ENTPD1: variants seen among roughly 807,000 people sequenced by gnomAD.
ENTPD1 encodes the protein ectonucleoside triphosphate diphosphohydrolase 1.
ENTPD1 carries 33 observed loss-of-function variants against 57.0 expected under a neutral mutation model. That is an observed-to-expected ratio of 0.58 (90% CI 0.44 to 0.77). The LOEUF (loss-of-function observed/expected upper bound fraction) is 0.77, where lower values mean the gene tolerates loss of function less well. ENTPD1 is among the 30% of genes least tolerant of loss of function. The pLI, the probability that ENTPD1 is intolerant of heterozygous loss-of-function variation, is 0.00. For missense variants in ENTPD1, 501 were observed against 603.4 expected (o/e 0.83, Z 1.78); for synonymous variants, 202 against 218.8 (o/e 0.92, Z 0.68).
chr10:95,827,989 T>C (rs2098383647), intron 2 of ENTPD1, among the ~76,000 whole-genome samples: 1 of 152,098 alleles, frequency 6.6e-6, no homozygotes, highest in African/African-American at 2.4e-5. Flanking sequence ...ATGGATGAGG[T>C]CATCTAGGAT....
intron 1 of ENTPD1, among the ~76,000 whole-genome samples, chr10:95,735,675 A>C (rs1225532294): frequency 6.6e-6 from 1 of 152,030 alleles, no homozygotes; most frequent in Non-Finnish European, 1.5e-5. Context: ...GGCTCACTGC[A>C]ACCTCCACCT....
At chr10:95,790,151 T>C (rs533894888) in intron 1 of ENTPD1, among the ~76,000 whole-genome samples, 1 of 152,328 alleles carries the variant, frequency 6.6e-6, no homozygotes, top group Admixed American at 6.5e-5. Flanking sequence ...GCAGCGGTGG[T>C]TGCCCACCAC....
intron 1 of ENTPD1, among the ~76,000 whole-genome samples, chr10:95,726,606 T>TGG (rs2097983917): frequency 1.3e-5 from 2 of 152,238 alleles, no homozygotes; most frequent in Admixed American, 1.3e-4. Context: ...CCATTTTCTC[T>TGG]GGCCTCTGTG....
chr10:95,850,249 AG>A (rs2098442600), intron 7 of ENTPD1, among the ~76,000 whole-genome samples: 1 of 152,170 alleles, frequency 6.6e-6, no homozygotes, highest in African/African-American at 2.4e-5. Flanking sequence ...GCCTCTATGT[AG>A]GATCTTTCTC....
At chr10:95,864,605 C>T (rs2141000740) in intron 8 of ENTPD1, 119 bp from the exon 9 acceptor site, 2 of 1,404,566 alleles carry the variant, frequency 1.4e-6, no homozygotes, top group Non-Finnish European at 2.0e-6. Flanking sequence ...AAGAGGCCAA[C>T]CTTCAGGTGC....
At chr10:95,712,060 T>TA in intron 1 of ENTPD1, 1 of 1,605,084 alleles carries the variant, frequency 6.2e-7, no homozygotes, top group South Asian at 1.1e-5. Context: ...GAGCCGATGG[T>TA]AAAAATCACT....
rs2098476700 is a variant in ENTPD1, at chr10:95,868,409, C to T, written c.*2026C>T. 21 of 985,310 alleles carry T rather than the reference C, an allele frequency of 2.1e-5. No individual in the cohort carries two copies. Among genetic ancestry groups the T allele is most frequent in the Non-Finnish European group, 2.4e-5 (20 of 829,932 alleles). The allele number at this position is 985,310 out of a possible 1,614,324, so 61.0% of individuals were successfully genotyped here. ...TGTTCATGTGCTTTGGATGGAAGCACATCTGGCATATGATGCTAATCAGTG... is the reference window on the plus strand; with the variant it reads ...TGTTCATGTGCTTTGGATGGAAGCATATCTGGCATATGATGCTAATCAGTG... On this transcript the variant is annotated 3_prime_UTR_variant, in exon 10 of 10. Transcript: ENST00000371205.
At chr10:95,755,806 A>C, upstream of ENTPD1, 16 of 1,522,058 alleles carry the variant, frequency 1.1e-5, no homozygotes, top group Non-Finnish European at 1.4e-5. Context: ...AATTGCAGTA[A>C]GGAATAGCTT....
chr10:95,842,550 A>T lies in ENTPD1; in HGVS notation c.413+56A>T. On this transcript the variant is annotated intron_variant, in intron 4 of 9. Coordinates refer to ENST00000371205, the MANE Select transcript of ENTPD1 (RefSeq NM_001776.6). ...TGGGAGTTAGGCTTGGCAGTGAAAG[A>T]GCCTCTGAAGTTATGGGAAAGGGCC... The T allele has an allele frequency of 2.5e-6, 4 of 1,582,452 alleles. No homozygotes were observed. In the South Asian group the frequency reaches 4.6e-5, roughly 18 times the overall value.
At position 95,831,148 on chromosome 10, in the gene ENTPD1, G is replaced by A. The variant is rs118031549; in HGVS notation, c.144+7784G>A. ...TAAGATGGAACAGGTACCTTGGGAC[G>A]GTTAATGCTGAGAGAAAACTCCGAA... On this transcript the variant is annotated intron_variant, in intron 2 of 9. Transcript: ENST00000371205. 1.3e-3 allele frequency among the ~76,000 whole-genome samples: 204 copies of A among 152,262 alleles called. 5 individuals carry two copies. The East Asian group carries it at 0.037, about 28-fold the overall frequency.
chr10:95,759,190 G>C (rs753672092), intron 1 of ENTPD1, among the ~76,000 whole-genome samples: 4 of 152,222 alleles, frequency 2.6e-5, no homozygotes, highest in Non-Finnish European at 5.9e-5. Context: ...GGACCTTTGA[G>C]TTTGCAGTAG....
intron 1 of ENTPD1, among the ~76,000 whole-genome samples, chr10:95,714,936 T>A (rs1328994555): frequency 6.6e-6 from 1 of 152,234 alleles, no homozygotes; most frequent in East Asian, 1.9e-4. Context: ...ACTGTTTCAG[T>A]AAGCCTTGGA....
At chr10:95,696,602 A>G in the ENTPD1 span, among the ~76,000 whole-genome samples, 1 of 152,222 alleles carries the variant, frequency 6.6e-6, no homozygotes, top group African/African-American at 2.4e-5. Context: ...TTGTATTTGT[A>G]AGAATCTCTG....
upstream of ENTPD1, among the ~76,000 whole-genome samples, chr10:95,751,543 A>G (rs1333859486): frequency 6.6e-6 from 1 of 151,906 alleles, no homozygotes; most frequent in Non-Finnish European, 1.5e-5. Flanking sequence ...ACATGGCAAA[A>G]CCCTGTCTCT....
rs771596788 is a variant in ENTPD1 at position 95,817,337 on chromosome 10, G to A, written c.17-5900G>A. Among the ~76,000 whole-genome samples, 36 of 152,206 alleles carry A rather than the reference G, an allele frequency of 2.4e-4. 1 individual carries two copies. The highest frequency in any genetic ancestry group is 2.9e-5 in the Non-Finnish European group (2 of 68,036). ...AGCCAGGCTCTGTCCACACTTGGCT[G>A]TGTGGCCTGACCTCATTTGAGTAGC... On this transcript the variant is annotated intron_variant, in intron 1 of 9. Transcript: ENST00000371205.
In ENTPD1 at chr10:95,872,209, C is replaced by G. The variant is rs1313880570; in HGVS notation, c.*5826C>G. ...TCTGTTGCTGCTAGATTAATCTTTG[C>G]AAAGCACAGGCTTAATTTCATTGCT... On this transcript the variant is annotated 3_prime_UTR_variant, in exon 10 of 10. Coordinates refer to ENST00000371205, the MANE Select transcript of ENTPD1 (RefSeq NM_001776.6). 1 of 985,330 alleles carries G rather than the reference C, an allele frequency of 1.0e-6. No homozygotes were observed. Among genetic ancestry groups the G allele is most frequent in the Non-Finnish European group, 1.2e-6 (1 of 829,942 alleles). The allele number at this position is 985,330 out of a possible 1,614,324, so 61.0% of individuals were successfully genotyped here.
intron 1 of ENTPD1, chr10:95,785,007 C>G (rs2098173424): frequency 6.6e-6 from 1 of 152,222 alleles, no homozygotes; most frequent in Non-Finnish European, 1.5e-5. Context: ...GGTTCTATAG[C>G]TGCATATCAG....
chr10:95,874,005 C>A lies in ENTPD1; in HGVS notation c.*7622C>A, dbSNP rs898230623. Among the ~76,000 whole-genome samples the A allele has an allele frequency of 1.3e-5, 2 of 152,158 alleles. No individual in the cohort carries two copies. The highest frequency in any genetic ancestry group is 2.1e-4 in the South Asian group (1 of 4,830). Reference sequence around the variant, plus strand: ...CAACATGTGGGAATTCTGGGAGATACAATTCAAGTTGAGATTTGGGTGGGG... The same window carrying A: ...CAACATGTGGGAATTCTGGGAGATAAAATTCAAGTTGAGATTTGGGTGGGG... On this transcript the variant is annotated 3_prime_UTR_variant, in exon 10 of 10. Coordinates refer to ENST00000371205, the MANE Select transcript of ENTPD1 (RefSeq NM_001776.6).
chr10:95,868,539 G>A lies in ENTPD1; in HGVS notation c.*2156G>A, dbSNP rs1207037537. On this transcript the variant is annotated 3_prime_UTR_variant, in exon 10 of 10. Coordinates refer to ENST00000371205, the MANE Select transcript of ENTPD1 (RefSeq NM_001776.6). ...TGAAAATAAAGGTCAAATAAGTTGA[G>A]CCAATAACAGCCGCTTTTTTCCTTC... is the stretch of plus-strand genomic sequence containing the variant. 10 of 985,276 alleles carry A rather than the reference G, an allele frequency of 1.0e-5. No homozygotes were observed. The highest frequency in any genetic ancestry group is 1.2e-5 in the Non-Finnish European group (10 of 829,940). 61.0% of individuals were successfully genotyped at this position (985,276 alleles called of 1,614,324 possible).
Sources: gnomAD v4.1 joint callset for allele counts (sites outside exome capture counted in the v4.1 genomes callset) on GRCh38, gnomAD v4.1.1 for gene constraint, MANE v1.5 for transcripts, NCBI Gene and HGNC (gene_info 2026-07-23, HGNC 2026-07-21) for gene names.